METAP1: variants seen among roughly 807,000 people sequenced by gnomAD.
METAP1 encodes the protein methionine aminopeptidase 1.
METAP1 carries 28 observed loss-of-function variants against 53.8 expected under a neutral mutation model. The ratio of observed to expected loss-of-function variants is 0.52; its 90% CI spans 0.39 to 0.71. The LOEUF (loss-of-function observed/expected upper bound fraction) is 0.71, where lower values mean the gene tolerates loss of function less well. Among genes scored for constraint, METAP1 ranks in the 30% least tolerant of loss-of-function variants. The pLI, the probability that METAP1 is intolerant of heterozygous loss-of-function variation, is 0.00. For synonymous variants in METAP1, 181 were observed against 165.7 expected (o/e 1.09, Z -0.71); for missense variants, 389 against 479.8 (o/e 0.81, Z 1.77).
At chr4:99,034,423 GA>G (rs1725281323) in intron 3 of METAP1, 81 bp downstream of exon 3, 3 of 802,840 alleles carry the variant, frequency 3.7e-6, no homozygotes, top group Non-Finnish European at 6.3e-6. Context: ...TTCCAGTAGT[GA>G]ATCATATAAT....
chr4:99,003,068 A>AAACC (rs1560690789), intron 1 of METAP1, among the ~76,000 whole-genome samples: 1 of 151,524 alleles, frequency 6.6e-6, no homozygotes, highest in Non-Finnish European at 1.5e-5. Context: ...GACTGTCTCA[A>AAACC]AAACAAACAA....
intron 8 of METAP1, 78 bp from the exon 9 acceptor site, chr4:99,048,655 C>T: frequency 6.9e-7 from 1 of 1,445,028 alleles, no homozygotes; most frequent in Non-Finnish European, 9.6e-7. Flanking sequence ...CAGGCATGAG[C>T]CACTGCATCT....
At chr4:99,057,061 C>T (rs530587372) in intron 9 of METAP1, among the ~76,000 whole-genome samples, 2 of 152,254 alleles carry the variant, frequency 1.3e-5, no homozygotes, top group African/African-American at 4.8e-5. Context: ...AGACAGGTTC[C>T]GCCATGTTGG....
Position 99,057,741 on chromosome 4 carries a change from C to T in METAP1, c.932-12C>T, listed in dbSNP as rs1159309039. 4.5e-6 allele frequency: 7 copies of T among 1,569,250 alleles called. No individual in the cohort carries two copies. In the Admixed American group the frequency reaches 1.1e-4, roughly 25 times the overall value. On this transcript the variant is annotated splice_polypyrimidine_tract_variant and intron_variant, in intron 9 of 10. Coordinates refer to ENST00000296411, the MANE Select transcript of METAP1 (RefSeq NM_015143.3). ...TTTTGCTACCTTTTGAGATTTTTTT[C>T]TTTGATTTCAGAAAATAAAGCAGTT... is the stretch of plus-strand genomic sequence containing the variant.
chr4:98,997,431 A>G (rs1457253662), intron 1 of METAP1: 3 of 154,362 alleles, frequency 1.9e-5, no homozygotes, highest in African/African-American at 7.2e-5. Flanking sequence ...AGCATTACTC[A>G]TGTTAGACCT....
At chr4:99,012,863 C>T (rs770036473) in intron 1 of METAP1, among the ~76,000 whole-genome samples, 20 of 151,886 alleles carry the variant, frequency 1.3e-4, no homozygotes, top group East Asian at 3.9e-4. Flanking sequence ...TAGTTTGGTC[C>T]GCAAAGGTGG....
chr4:99,010,092 AT>A (rs1188019375), intron 1 of METAP1, among the ~76,000 whole-genome samples: 1 of 152,134 alleles, frequency 6.6e-6, no homozygotes, highest in Non-Finnish European at 1.5e-5. Context: ...ATTCTTTGGC[AT>A]TTGGATCCAG....
chr4:99,048,758 A>T lies in METAP1; in HGVS notation c.813A>T (p.Glu271Asp). The T allele has an allele frequency of 7.4e-6, 12 of 1,613,988 alleles. No individual in the cohort carries two copies. Among genetic ancestry groups the T allele is most frequent in the Non-Finnish European group, 1.0e-5 (12 of 1,179,858 alleles). The change falls in exon 9 of 11, where the codon GAA (glutamate) becomes GAT (aspartate). Residue 271 changes from glutamate (E) to aspartate (D), a missense_variant. By Grantham distance (45) the Glu-to-Asp change is conservative (BLOSUM62 2). Transcript: ENST00000296411. ...TGAAGCCTGGTGTTCGGTACAGAGA[A>T]TTGGGAAACATTATCCAGAAGCATG... ...DAVKPGVRYR[E>D]LGNIIQKHAQ... is the part of the protein sequence containing the mutation.
chr4:99,009,660 A>C (rs1481693187), intron 1 of METAP1, among the ~76,000 whole-genome samples: 1 of 152,128 alleles, frequency 6.6e-6, no homozygotes, highest in Non-Finnish European at 1.5e-5. Context: ...TGGCTAGTAT[A>C]TATCATCTTT....
intron 4 of METAP1, 41 bp from the exon 5 acceptor site, chr4:99,039,333 T>C (rs747134001): frequency 8.6e-7 from 1 of 1,159,728 alleles, no homozygotes; most frequent in Admixed American, 1.7e-5. Flanking sequence ...TACTACATCT[T>C]TGCATTCATT....
intron 2 of METAP1, among the ~76,000 whole-genome samples, chr4:99,030,095 G>GT (rs1724892062): frequency 6.6e-6 from 1 of 152,110 alleles, no homozygotes; most frequent in African/African-American, 2.4e-5. Context: ...TTTCTAATGT[G>GT]TTAGGTATTT....
intron 9 of METAP1, among the ~76,000 whole-genome samples, chr4:99,055,540 G>C (rs1304842188): frequency 6.6e-6 from 1 of 152,214 alleles, no homozygotes; most frequent in Non-Finnish European, 1.5e-5. Context: ...AAGTACCTAA[G>C]AGTGTCTGCG....
In METAP1 at chr4:99,035,541, T is replaced by C. The variant is rs1037787091; in HGVS notation, c.340+81T>C. 3.6e-6 allele frequency: 4 copies of C among 1,106,702 alleles called. No individual in the cohort carries two copies. The African/African-American group carries it at 4.7e-5, about 13-fold the overall frequency. The allele number at this position is 1,106,702 out of a possible 1,614,324, so 68.6% of individuals were successfully genotyped here. On this transcript the variant is annotated intron_variant, in intron 4 of 10. Transcript: ENST00000296411. Reference sequence around the variant, plus strand: ...GCAAAGGGAAGGAATGCTTTTCTTGTAGAAATTTTTCAGTGCTGGACTTCT... The same window carrying C: ...GCAAAGGGAAGGAATGCTTTTCTTGCAGAAATTTTTCAGTGCTGGACTTCT...
At chr4:99,025,627 C>A in intron 1 of METAP1, 1 of 341,102 alleles carries the variant, frequency 2.9e-6, no homozygotes, top group Non-Finnish European at 4.1e-6. Context: ...ATTTGAACTG[C>A]CAACCACCCT....
chr4:99,002,527 C>G (rs772810194), intron 1 of METAP1, among the ~76,000 whole-genome samples: 28 of 151,302 alleles, frequency 1.9e-4, no homozygotes, highest in Non-Finnish European at 3.5e-4. Flanking sequence ...AGTCTTGTCT[C>G]TGGGTTTGAA....
chr4:99,006,375 T>A (rs2110280475), intron 1 of METAP1, among the ~76,000 whole-genome samples: 1 of 152,314 alleles, frequency 6.6e-6, no homozygotes, highest in Admixed American at 6.5e-5. Flanking sequence ...TAGAAAAGTT[T>A]AAAGAAGAAT....
At chr4:99,013,360 A>T (rs1723577711) in intron 1 of METAP1, among the ~76,000 whole-genome samples, 1 of 152,032 alleles carries the variant, frequency 6.6e-6, no homozygotes, top group Admixed American at 6.6e-5. Context: ...TACCACCCTC[A>T]CCTGTGACTG....
chr4:99,007,944 G>C (rs76119024), intron 1 of METAP1, among the ~76,000 whole-genome samples: 1 of 152,166 alleles, frequency 6.6e-6, no homozygotes, highest in Admixed American at 6.6e-5. Context: ...CTACATCTGA[G>C]TGCTAGGTAT....
At chr4:99,045,894 C>T (rs190318439) in intron 8 of METAP1, among the ~76,000 whole-genome samples, 1 of 152,266 alleles carries the variant, frequency 6.6e-6, no homozygotes, top group African/African-American at 2.4e-5. Flanking sequence ...AGCATATATA[C>T]CTACAGACAT....
Sources: allele counts gnomAD v4.1 joint callset (sites outside exome capture counted in the v4.1 genomes callset), GRCh38; gene constraint gnomAD v4.1.1; transcripts MANE v1.5; gene names NCBI Gene and HGNC (gene_info 2026-07-23, HGNC 2026-07-21).